Variants in PLCL2 observed in about 807,000 individuals in gnomAD.
PLCL2 encodes the protein phospholipase C like 2.
PLCL2 carries 4 observed loss-of-function variants against 79.6 expected under a neutral mutation model. That is an observed-to-expected ratio of 0.05 (90% CI 0.02 to 0.11). The LOEUF is 0.11. PLCL2 is among the 10% of genes least tolerant of loss of function. The pLI, the probability that PLCL2 is intolerant of heterozygous loss-of-function variation, is 1.00. For synonymous variants in PLCL2, 484 were observed against 457.7 expected (o/e 1.06, Z -0.73); for missense variants, 895 against 1,291.0 (o/e 0.69, Z 4.70).
intron 5 of PLCL2, among the ~76,000 whole-genome samples, chr3:17,082,139 G>GTTTTTTTTTTT: frequency 9.9e-6 from 1 of 101,334 alleles, no homozygotes. Flanking sequence ...CTCTTTCAGA[G>GTTTTTTTTTTT]TTTTTTTTTT....
intron 4 of PLCL2, among the ~76,000 whole-genome samples, chr3:17,044,935 C>A (rs1233934931): frequency 1.3e-5 from 2 of 152,130 alleles, no homozygotes; most frequent in Non-Finnish European, 2.9e-5. Context: ...GGGAGAATAA[C>A]CACTGTGTAA....
intron 3 of PLCL2, among the ~76,000 whole-genome samples, chr3:17,028,612 G>T (rs1217574035): frequency 6.6e-6 from 1 of 151,998 alleles, no homozygotes; most frequent in Non-Finnish European, 1.5e-5. Context: ...GAGTAGTTGG[G>T]ACTACAGGCA....
intron 1 of PLCL2, among the ~76,000 whole-genome samples, chr3:16,894,638 T>A (rs1378215056): frequency 6.6e-6 from 1 of 152,198 alleles, no homozygotes; most frequent in Non-Finnish European, 1.5e-5. Context: ...TGATTGTAAC[T>A]ATTGTGACGG....
intron 5 of PLCL2, among the ~76,000 whole-genome samples, chr3:17,080,315 C>A (rs1236008425): frequency 6.6e-6 from 1 of 152,098 alleles, no homozygotes; most frequent in African/African-American, 2.4e-5. Flanking sequence ...CCTGACCAAG[C>A]TAGGAGGCCT....
At chr3:16,909,116 T>C (rs189756026) in intron 1 of PLCL2, among the ~76,000 whole-genome samples, 1 of 152,252 alleles carries the variant, frequency 6.6e-6, no homozygotes, top group Admixed American at 6.5e-5. Context: ...GCTGCACATA[T>C]GTAAAAGAAA....
chr3:17,089,648 T>C, intron 5 of PLCL2, 85 bp from the exon 6 acceptor site: 3 of 809,114 alleles, frequency 3.7e-6, no homozygotes, highest in Admixed American at 2.4e-5. Context: ...AGAATACTTC[T>C]ATTTCAGTGA....
At chr3:16,970,577 A>C (rs2063851778) in intron 1 of PLCL2, among the ~76,000 whole-genome samples, 1 of 149,772 alleles carries the variant, frequency 6.7e-6, no homozygotes, top group Admixed American at 6.7e-5. Context: ...GTATATACCC[A>C]ATAATGGGAT....
intron 3 of PLCL2, among the ~76,000 whole-genome samples, chr3:17,018,932 CTTT>C (rs561487227): frequency 4.0e-5 from 6 of 151,546 alleles, no homozygotes; most frequent in African/African-American, 1.2e-4. Flanking sequence ...ATGAAAAAGA[CTTT>C]TTTTTTCCTT....
At chr3:17,066,239 C>T (rs1197901464) in intron 4 of PLCL2, among the ~76,000 whole-genome samples, 1 of 152,122 alleles carries the variant, frequency 6.6e-6, no homozygotes, top group African/African-American at 2.4e-5. Flanking sequence ...TGCGTTAGTT[C>T]CCTGGAGAGT....
chr3:16,947,127 A>ATTTTT (rs200914734), intron 1 of PLCL2, among the ~76,000 whole-genome samples: 1 of 142,476 alleles, frequency 7.0e-6, no homozygotes, highest in African/African-American at 2.6e-5. Flanking sequence ...GGCTAATTTT[A>ATTTTT]TTTTTTTTTT....
At chr3:17,040,974 C>G (rs750759481) in intron 3 of PLCL2, among the ~76,000 whole-genome samples, 1 of 151,954 alleles carries the variant, frequency 6.6e-6, no homozygotes, top group Non-Finnish European at 1.5e-5. Flanking sequence ...TTGGCCAGTT[C>G]TTTGATACTG....
intron 4 of PLCL2, among the ~76,000 whole-genome samples, chr3:17,059,482 AT>A (rs1681618561): frequency 9.2e-6 from 1 of 109,118 alleles, no homozygotes; most frequent in Non-Finnish European, 1.9e-5. Context: ...ATTTCTGTAT[AT>A]ATGAGTGTAT....
chr3:17,017,901 G>A (rs1327945052), intron 3 of PLCL2, among the ~76,000 whole-genome samples: 1 of 152,140 alleles, frequency 6.6e-6, no homozygotes, highest in African/African-American at 2.4e-5. Flanking sequence ...TTGTCCTAAT[G>A]GCTGCCGTGA....
chr3:16,885,554 A>C (rs1696200152), intron 1 of PLCL2, among the ~76,000 whole-genome samples, 188 bp downstream of exon 1: 1 of 152,180 alleles, frequency 6.6e-6, no homozygotes, highest in Non-Finnish European at 1.5e-5. Flanking sequence ...GTGATCCCTA[A>C]TGTGCAGGGG....
At chr3:16,920,032 A>T (rs1272443495) in intron 1 of PLCL2, among the ~76,000 whole-genome samples, 2 of 152,154 alleles carry the variant, frequency 1.3e-5, no homozygotes, top group Non-Finnish European at 2.9e-5. Context: ...TATTTTCCTG[A>T]CTGCCTCTGA....
chr3:17,089,514 G>A (rs1221651976), intron 5 of PLCL2, among the ~76,000 whole-genome samples: 1 of 152,092 alleles, frequency 6.6e-6, no homozygotes, highest in African/African-American at 2.4e-5. Flanking sequence ...AATAGAAAGG[G>A]CCAGAAAGGC....
chr3:16,986,927 G>C (rs1476220443), intron 1 of PLCL2, among the ~76,000 whole-genome samples: 1 of 151,916 alleles, frequency 6.6e-6, no homozygotes, highest in Non-Finnish European at 1.5e-5. Context: ...ATGATTTACA[G>C]TTCATCTATC....
At chr3:17,059,495 T>C (rs1369463288) in intron 4 of PLCL2, among the ~76,000 whole-genome samples, 1 of 151,724 alleles carries the variant, frequency 6.6e-6, no homozygotes, top group Non-Finnish European at 1.5e-5. Flanking sequence ...TGAGTGTATA[T>C]GTGTGTATAT....
At chr3:17,044,462 T>G (rs2064760908) in intron 4 of PLCL2, among the ~76,000 whole-genome samples, 3 of 152,238 alleles carry the variant, frequency 2.0e-5, no homozygotes, top group African/African-American at 7.2e-5. Context: ...AGCATTCTAT[T>G]CAGCCCTTTA....
Sources: gnomAD v4.1 joint callset for allele counts (sites outside exome capture counted in the v4.1 genomes callset) on GRCh38, gnomAD v4.1.1 for gene constraint, MANE v1.5 for transcripts, NCBI Gene and HGNC (gene_info 2026-07-23, HGNC 2026-07-21) for gene names.